The following SIN3B variants were observed in gnomAD, a reference collection of about 807,000 sequenced individuals.
SIN3B encodes the protein SIN3 transcription regulator family member B.
Under a neutral mutation model 120.2 loss-of-function variants are expected in SIN3B, and 19 were observed. That is an observed-to-expected ratio of 0.16 (90% CI 0.11 to 0.23). The LOEUF is 0.23. Ranked by LOEUF, SIN3B falls within the 10% of genes least tolerant of loss-of-function variation. The pLI, the probability that SIN3B is intolerant of heterozygous loss-of-function variation, is 1.00. For synonymous variants in SIN3B, 654 were observed against 653.2 expected (o/e 1.00, Z -0.02); for missense variants, 1,073 against 1,573.0 (o/e 0.68, Z 5.38).
intron 2 of SIN3B, among the ~76,000 whole-genome samples, chr19:16,831,293 C>T (rs567757297): frequency 1.3e-5 from 2 of 152,254 alleles, no homozygotes; most frequent in African/African-American, 4.8e-5. Context: ...GAACTCTTGA[C>T]CTCAGGTGAT....
rs1412122249 is a variant in SIN3B, at chr19:16,871,159, T to G, written c.2423-70T>G. ...GGGGGCATTTGTTGGGGCTCTGTCA[T>G]GCCAGAGTTTGGCCTGCGTGACTTT... On this transcript the variant is annotated intron_variant, in intron 13 of 18. Transcript: ENST00000248054. 59 of 1,594,162 alleles carry G rather than the reference T, an allele frequency of 3.7e-5. No homozygotes were observed. The South Asian group carries it at 6.5e-4, about 18-fold the overall frequency.
At chr19:16,840,309 T>C (rs932473880) in intron 3 of SIN3B, among the ~76,000 whole-genome samples, 1 of 152,054 alleles carries the variant, frequency 6.6e-6, no homozygotes, top group Non-Finnish European at 1.5e-5. Context: ...AGAGAGGAGA[T>C]TGGGACACAC....
chr19:16,840,004 A>G (rs2144581428), intron 3 of SIN3B, among the ~76,000 whole-genome samples: 1 of 152,266 alleles, frequency 6.6e-6, no homozygotes, highest in Admixed American at 6.5e-5. Context: ...ACTCCATCTC[A>G]AAACAAAAAG....
At chr19:16,859,831 G>GCC (rs1971662763) in intron 8 of SIN3B, among the ~76,000 whole-genome samples, 1 of 152,180 alleles carries the variant, frequency 6.6e-6, no homozygotes, top group African/African-American at 2.4e-5. Flanking sequence ...GGGCCCCCAG[G>GCC]GGCTGTGTGT....
chr19:16,878,760 C>G lies in SIN3B; in HGVS notation c.*33C>G. The G allele has an allele frequency of 6.5e-7, 1 of 1,547,114 alleles. No individual in the cohort carries two copies. ...TCATGGGCACCGGGCAGGCGCCTCA[C>G]AGAGCACAGACGTGCCCTCGGCCTT... On this transcript the variant is annotated 3_prime_UTR_variant, in exon 19 of 19. Coordinates refer to ENST00000248054, the MANE Select transcript of SIN3B (RefSeq NM_001297595.2).
intron 3 of SIN3B, among the ~76,000 whole-genome samples, chr19:16,840,637 G>A (rs1002383850): frequency 6.6e-6 from 1 of 152,226 alleles, no homozygotes; most frequent in East Asian, 1.9e-4. Flanking sequence ...TTCAGGGTCA[G>A]CGTTTGGGTC....
rs768108165 is a variant in SIN3B at position 16,876,160 on chromosome 19, C to T, written c.2698C>T (p.Arg900Cys). ...AGGNLSSRCVRAARETSYQWK... is the reference protein window; with the variant it reads ...AGGNLSSRCVCAARETSYQWK... ...TGGGAACCTGTCCTCCCGCTGCGTC[C>T]GCGCTGCTAGGGAGACCAGCTACCA... The change falls in exon 15 of 19, where the codon CGC (arginine) becomes TGC (cysteine). Residue 900 changes from arginine (R) to cysteine (C), a missense_variant. Coordinates refer to ENST00000248054, the MANE Select transcript of SIN3B (RefSeq NM_001297595.2). The surrounding 1 kb of genome is among the most constrained non-coding windows in gnomAD (Gnocchi z 7.1). 4.6e-5 allele frequency: 74 copies of T among 1,612,858 alleles called. No homozygotes were observed. The highest frequency in any genetic ancestry group is 5.4e-5 in the Non-Finnish European group (64 of 1,179,922).
intron 5 of SIN3B, among the ~76,000 whole-genome samples, 189 bp from the exon 6 acceptor site, chr19:16,851,223 T>C (rs897023944): frequency 2.0e-5 from 3 of 152,250 alleles, no homozygotes; most frequent in Admixed American, 6.5e-5. Flanking sequence ...TAGTCTGTGA[T>C]GATTCGGTTA....
chr19:16,845,520 A>C (rs185223068), intron 4 of SIN3B, among the ~76,000 whole-genome samples: 167 of 152,172 alleles, frequency 1.1e-3, no homozygotes, highest in Middle Eastern at 3.4e-3. Context: ...TGATCCGCCT[A>C]CCTTGGCCTC....
chr19:16,870,918 T>G (rs964478193), intron 13 of SIN3B, among the ~76,000 whole-genome samples: 4 of 151,454 alleles, frequency 2.6e-5, no homozygotes, highest in Non-Finnish European at 2.9e-5. Context: ...CTCAAACTCC[T>G]GAACTCAGGT....
intron 18 of SIN3B, 47 bp from the exon 19 acceptor site, chr19:16,878,450 C>T (rs1236511395): frequency 6.3e-7 from 1 of 1,576,060 alleles, no homozygotes; most frequent in South Asian, 1.2e-5. Flanking sequence ...TCCTGGGGCC[C>T]TGGGGGTCCA....
At chr19:16,863,877 A>G in intron 10 of SIN3B, 81 bp downstream of exon 10, 2 of 963,060 alleles carry the variant, frequency 2.1e-6, no homozygotes, top group Non-Finnish European at 3.3e-6. Flanking sequence ...ATCCTCCTCC[A>G]CTGCCCCAGT....
At chr19:16,873,771 C>T (rs1169335318) in intron 14 of SIN3B, among the ~76,000 whole-genome samples, 1 of 152,268 alleles carries the variant, frequency 6.6e-6, no homozygotes, top group African/African-American at 2.4e-5. Flanking sequence ...GGCTGCACCA[C>T]ACCCCAGCTG....
At chr19:16,863,823 C>G (rs376687511) in intron 10 of SIN3B, 27 bp downstream of exon 10, 1 of 1,541,000 alleles carries the variant, frequency 6.5e-7, no homozygotes, top group Admixed American at 1.7e-5. Context: ...GGCCGGGTCC[C>G]CCGGCATGTG....
intron 3 of SIN3B, among the ~76,000 whole-genome samples, chr19:16,832,905 G>A (rs996344854): frequency 2.0e-5 from 3 of 152,120 alleles, no homozygotes; most frequent in African/African-American, 7.2e-5. Context: ...GATGACCATT[G>A]TCATTTTTTC....
intron 8 of SIN3B, among the ~76,000 whole-genome samples, chr19:16,856,167 AG>A (rs1469189883): frequency 6.6e-6 from 1 of 152,136 alleles, no homozygotes; most frequent in African/African-American, 2.4e-5. Flanking sequence ...AGCCTCAGGA[AG>A]GGGCTGGGAC....
At position 16,876,516 on chromosome 19, in the gene SIN3B, A is replaced by T. The variant is rs777304827; in HGVS notation, c.2797A>T (p.Ile933Phe). ...GTTCCTGCAGCGCAAAGGGCAGGTG[A>T]TCATGACCATCGAGCTCCTGGACAC... ...VMFLQRKGQV[I>F]MTIELLDTEE... is the part of the protein sequence containing the mutation. Residue 933 changes from isoleucine to phenylalanine, a missense_variant, in exon 16 of 19, where the codon ATC becomes TTC. Transcript: ENST00000248054. This position sits in a 1 kb window ranked among gnomAD's most constrained non-coding sequence, Gnocchi z 7.1. The T allele has an allele frequency of 5.0e-6, 8 of 1,613,310 alleles. No individual in the cohort carries two copies. The highest frequency in any genetic ancestry group is 6.8e-6 in the Non-Finnish European group (8 of 1,179,932).
In SIN3B at chr19:16,841,909, C is replaced by T; in HGVS notation, c.523C>T (p.Arg175Cys). 6.2e-7 allele frequency: 1 copy of T among 1,614,042 alleles called. No individual in the cohort carries two copies. The highest frequency in any genetic ancestry group is 8.5e-7 in the Non-Finnish European group (1 of 1,180,020). The change falls in exon 4 of 19, where the codon CGC (arginine) becomes TGC (cysteine). Residue 175 changes from arginine to cysteine, a missense_variant. Physicochemically the swap from Arg to Cys is radical, Grantham distance 180. Coordinates refer to ENST00000248054, the MANE Select transcript of SIN3B (RefSeq NM_001297595.2). The stretch of plus-strand genomic sequence containing the variant: ...CAGCTATGTGAATAAGATTAAAACC[C>T]GCTTCCTAGACCACCCAGAAATCTA... ...AISYVNKIKT[R>C]FLDHPEIYRS...
intron 10 of SIN3B, 80 bp from the exon 11 acceptor site, chr19:16,865,330 G>C: frequency 5.4e-6 from 4 of 743,872 alleles, no homozygotes; most frequent in South Asian, 1.9e-5. Context: ...AAAATCCTCT[G>C]GTCTCTGAGG....
Sources: gnomAD v4.1 joint callset for allele counts (sites outside exome capture counted in the v4.1 genomes callset) on GRCh38, gnomAD v4.1.1 for gene constraint, Gnocchi (gnomAD v3.1) non-coding constraint, MANE v1.5 for transcripts, NCBI Gene and HGNC (gene_info 2026-07-23, HGNC 2026-07-21) for gene names.